Variants in C7orf78 observed in about 807,000 individuals in gnomAD.
C7orf78 encodes the protein chromosome 7 open reading frame 78.
the C7orf78 span, among the ~76,000 whole-genome samples, chr7:12,513,149 T>C: frequency 6.6e-6 from 1 of 152,024 alleles, no homozygotes; most frequent in Non-Finnish European, 1.5e-5. Flanking sequence ...GTATTTCTTT[T>C]AGTTTTTATT....
chr7:12,505,257 A>G, the C7orf78 span, among the ~76,000 whole-genome samples: 1 of 152,096 alleles, frequency 6.6e-6, no homozygotes, highest in Non-Finnish European at 1.5e-5. Flanking sequence ...GAAATATATA[A>G]AATTTGCATT....
chr7:12,518,146 G>A, the C7orf78 span, among the ~76,000 whole-genome samples: 1 of 152,148 alleles, frequency 6.6e-6, no homozygotes. Context: ...CAATGTTAGT[G>A]GTATCTGTGA....
chr7:12,511,670 A>G, the C7orf78 span, among the ~76,000 whole-genome samples: 1 of 152,064 alleles, frequency 6.6e-6, no homozygotes, highest in African/African-American at 2.4e-5. Flanking sequence ...TGGCTATTTC[A>G]TTATTGGTGT....
the C7orf78 span, among the ~76,000 whole-genome samples, chr7:12,497,913 T>A: frequency 7.0e-6 from 1 of 141,850 alleles, no homozygotes; most frequent in East Asian, 2.1e-4. Context: ...CCTCCTCAAG[T>A]GGGTCCCTGA....
chr7:12,525,378 A>C, the C7orf78 span, among the ~76,000 whole-genome samples: 1 of 152,132 alleles, frequency 6.6e-6, no homozygotes, highest in Non-Finnish European at 1.5e-5. Context: ...AGCTTTGTTC[A>C]ATGTTTTTGC....
chr7:12,536,242 T>A, the C7orf78 span, among the ~76,000 whole-genome samples: 1 of 152,096 alleles, frequency 6.6e-6, no homozygotes, highest in African/African-American at 2.4e-5. Context: ...TGAAATCTAG[T>A]CGGAGGCTCC....
chr7:12,532,720 T>C, the C7orf78 span, among the ~76,000 whole-genome samples: 5 of 152,166 alleles, frequency 3.3e-5, no homozygotes, highest in Admixed American at 2.6e-4. Context: ...ATTTTATGAA[T>C]AACAATTCAA....
the C7orf78 span, among the ~76,000 whole-genome samples, chr7:12,515,661 C>T: frequency 6.6e-6 from 1 of 152,068 alleles, no homozygotes; most frequent in Non-Finnish European, 1.5e-5. Context: ...TGATCAAAAG[C>T]CTGATAGTGA....
the C7orf78 span, chr7:12,541,194 G>C: frequency 6.6e-6 from 1 of 152,222 alleles, no homozygotes; most frequent in Admixed American, 6.5e-5. Context: ...TGGAAATGCT[G>C]ATAATGTGCT....
At chr7:12,511,805 G>C in the C7orf78 span, among the ~76,000 whole-genome samples, 1 of 151,684 alleles carries the variant, frequency 6.6e-6, no homozygotes, top group African/African-American at 2.4e-5. Flanking sequence ...AGGCTGGAGT[G>C]CAGTGGCACG....
the C7orf78 span, among the ~76,000 whole-genome samples, chr7:12,509,179 C>T: frequency 6.6e-6 from 1 of 152,138 alleles, no homozygotes; most frequent in African/African-American, 2.4e-5. Flanking sequence ...TCATTTAATA[C>T]TTTTCAATAT....
the C7orf78 span, among the ~76,000 whole-genome samples, chr7:12,510,038 GA>G: frequency 0.73 from 100,540 of 137,838 alleles, 36,159 homozygotes; most frequent in East Asian, 0.92. Flanking sequence ...CCATCTCAAG[GA>G]AAAAAAAAAA....
At chr7:12,495,791 C>T in the C7orf78 span, among the ~76,000 whole-genome samples, 1 of 152,236 alleles carries the variant, frequency 6.6e-6, no homozygotes, top group South Asian at 2.1e-4. Flanking sequence ...TTTATACAAA[C>T]ATATGTAATT....
At chr7:12,541,122 A>G in the C7orf78 span, 1 of 152,362 alleles carries the variant, frequency 6.6e-6, no homozygotes, top group South Asian at 2.1e-4. Context: ...TACCACAGGG[A>G]TCAGAATCCA....
At chr7:12,495,156 G>A in the C7orf78 span, among the ~76,000 whole-genome samples, 34,158 of 152,066 alleles carry the variant, frequency 0.22, 4,827 homozygotes, top group East Asian at 0.51. Context: ...TCATTCATCC[G>A]GGGGATATTA....
At chr7:12,520,030 G>C in the C7orf78 span, among the ~76,000 whole-genome samples, 1 of 152,178 alleles carries the variant, frequency 6.6e-6, no homozygotes, top group African/African-American at 2.4e-5. Context: ...GGGTTAATGT[G>C]GGTACAGGAG....
the C7orf78 span, among the ~76,000 whole-genome samples, chr7:12,511,813 A>G: frequency 2.0e-5 from 3 of 151,380 alleles, no homozygotes; most frequent in Non-Finnish European, 4.4e-5. Flanking sequence ...GTGCAGTGGC[A>G]CGATCTCAGC....
the C7orf78 span, among the ~76,000 whole-genome samples, chr7:12,505,614 T>C: frequency 1.3e-5 from 2 of 152,178 alleles, no homozygotes; most frequent in African/African-American, 4.8e-5. Flanking sequence ...CAGTGCAACA[T>C]CTTGGACAAC....
At chr7:12,514,338 T>A in the C7orf78 span, among the ~76,000 whole-genome samples, 1 of 152,164 alleles carries the variant, frequency 6.6e-6, no homozygotes, top group Non-Finnish European at 1.5e-5. Flanking sequence ...GTTTTTAACT[T>A]AGTCTGTTTT....
Sources: gnomAD v4.1 joint callset for allele counts (sites outside exome capture counted in the v4.1 genomes callset) on GRCh38, gnomAD v4.1.1 for gene constraint, MANE v1.5 for transcripts, NCBI Gene and HGNC (gene_info 2026-07-23, HGNC 2026-07-21) for gene names.